Variants in ACSM3 observed in about 807,000 individuals in gnomAD.
The protein encoded by ACSM3 is acyl-coenzyme A synthetase ACSM3, mitochondrial.
A neutral mutation model predicts 74.1 loss-of-function variants in ACSM3; 61 were observed. The observed-to-expected ratio is 0.82, with a 90% confidence interval of 0.67 to 1.02. The LOEUF (loss-of-function observed/expected upper bound fraction) is 1.02, where lower values mean the gene tolerates loss of function less well. Ranked by LOEUF, ACSM3 falls within the 50% of genes least tolerant of loss-of-function variation. The pLI, the probability that ACSM3 is intolerant of heterozygous loss-of-function variation, is 0.00. For missense variants in ACSM3, 660 were observed against 697.0 expected (o/e 0.95, Z 0.60); for synonymous variants, 213 against 241.5 (o/e 0.88, Z 1.09).
At chr16:20,730,687 G>A (rs961961336) in intron 1 of ACSM3, among the ~76,000 whole-genome samples, 1 of 152,144 alleles carries the variant, frequency 6.6e-6, no homozygotes, top group Non-Finnish European at 1.5e-5. Context: ...TTCAGCTGAA[G>A]AGCAGAAGTA....
chr16:20,701,306 GT>G (rs1391824116), intron 1 of ACSM3, among the ~76,000 whole-genome samples: 1 of 152,060 alleles, frequency 6.6e-6, no homozygotes, highest in Non-Finnish European at 1.5e-5. Flanking sequence ...TTCCAGTGTG[GT>G]TTTATTTTTG....
chr16:20,750,319 C>A (rs756179560), intron 2 of ACSM3, among the ~76,000 whole-genome samples: 1 of 152,140 alleles, frequency 6.6e-6, no homozygotes, highest in Admixed American at 6.5e-5. Context: ...CAAAGTATTT[C>A]TCTTTTCTTC....
intron 1 of ACSM3, among the ~76,000 whole-genome samples, chr16:20,714,229 G>C (rs536762034): frequency 6.6e-6 from 1 of 150,918 alleles, no homozygotes; most frequent in East Asian, 1.9e-4. Context: ...AACACCCTAA[G>C]GTGTGGAAGG....
chr16:20,781,924 T>C, intron 7 of ACSM3, 137 bp downstream of exon 7: 6 of 651,422 alleles, frequency 9.2e-6, no homozygotes, highest in Non-Finnish European at 2.7e-6. Context: ...TTCCTCTTTC[T>C]CCTTCTTGCC....
chr16:20,757,115 C>T (rs1264245469), intron 3 of ACSM3, among the ~76,000 whole-genome samples: 14 of 151,616 alleles, frequency 9.2e-5, no homozygotes, highest in Non-Finnish European at 1.3e-4. Context: ...CTTGGTGATG[C>T]GGGCTCTTTT....
At chr16:20,687,750 CAA>C (rs2079578956) in intron 1 of ACSM3, among the ~76,000 whole-genome samples, 1 of 151,944 alleles carries the variant, frequency 6.6e-6, no homozygotes, top group African/African-American at 2.4e-5. Flanking sequence ...TATATATGAA[CAA>C]AATAACAATA....
chr16:20,769,860 G>C (rs1363101454), intron 1 of ACSM3, 124 bp from the exon 2 acceptor site: 1 of 616,684 alleles, frequency 1.6e-6, no homozygotes, highest in Non-Finnish European at 2.9e-6. Context: ...TTGGAACACA[G>C]AGTGTACGCA....
At chr16:20,699,819 C>A (rs2079708441) in intron 1 of ACSM3, among the ~76,000 whole-genome samples, 1 of 152,170 alleles carries the variant, frequency 6.6e-6, no homozygotes, top group Non-Finnish European at 1.5e-5. Flanking sequence ...TTTCTTATCC[C>A]TCTTTTCCTC....
chr16:20,763,424 C>G (rs967302825), upstream of ACSM3, among the ~76,000 whole-genome samples: 27 of 152,098 alleles, frequency 1.8e-4, no homozygotes, highest in African/African-American at 5.1e-4. Flanking sequence ...CTGAAACAGG[C>G]AAGTGTGTTT....
intron 2 of ACSM3, among the ~76,000 whole-genome samples, chr16:20,772,540 G>T (rs1783095415): frequency 1.3e-5 from 2 of 152,090 alleles, no homozygotes; most frequent in Admixed American, 6.5e-5. Context: ...TTTTGTATAT[G>T]GTGAGAGAGA....
chr16:20,743,042 C>T (rs901378296), intron 1 of ACSM3, among the ~76,000 whole-genome samples: 1 of 151,028 alleles, frequency 6.6e-6, no homozygotes, highest in South Asian at 2.1e-4. Context: ...CCAGGTTCAC[C>T]CCATTCTCCT....
chr16:20,694,726 G>A (rs1327092682), intron 1 of ACSM3, among the ~76,000 whole-genome samples: 3 of 152,206 alleles, frequency 2.0e-5, no homozygotes, highest in Non-Finnish European at 2.9e-5. Flanking sequence ...CCCCATGAAT[G>A]TATGTGGTGA....
In ACSM3 at chr16:20,683,701, TTCTC is replaced by T. The variant is rs1201861529; in HGVS notation, c.-190+8893_-190+8896del. ...CACGCCTGGCTAATTCTTTCTTTCTTTCTCTCTCTCTCTCTCTTTCTTTCTTTCT... is the reference window on the plus strand; with the variant it reads ...CACGCCTGGCTAATTCTTTCTTTCTTTCTCTCTCTCTCTTTCTTTCTTTCT... On this transcript the variant is annotated intron_variant, in intron 1 of 3. Coordinates refer to the ACSM3 transcript ENST00000561584. Among the ~76,000 whole-genome samples, 4 of 65,422 alleles carry T rather than the reference TTCTC, an allele frequency of 6.1e-5. No homozygotes were observed. In the East Asian group the frequency reaches 1.3e-3, roughly 21 times the overall value. 42.9% of individuals were successfully genotyped at this position (65,422 alleles called of 152,430 possible). A position where few individuals can be genotyped will look rare whatever the true frequency, so the allele number is the denominator to read the frequency against.
chr16:20,742,253 G>C (rs1414768139), intron 1 of ACSM3, among the ~76,000 whole-genome samples: 1 of 118,620 alleles, frequency 8.4e-6, no homozygotes, highest in African/African-American at 2.5e-5. Context: ...CTGTACTTGA[G>C]TTATTGAAAA....
intron 2 of ACSM3, among the ~76,000 whole-genome samples, chr16:20,772,559 G>A (rs764441777): frequency 6.6e-6 from 1 of 152,136 alleles, no homozygotes; most frequent in African/African-American, 2.4e-5. Flanking sequence ...GAGGGCTCTA[G>A]TCTTAGTCTA....
chr16:20,690,759 C>T (rs1437996108), intron 1 of ACSM3, among the ~76,000 whole-genome samples: 1 of 152,148 alleles, frequency 6.6e-6, no homozygotes, highest in Admixed American at 6.5e-5. Context: ...ATATATTTAC[C>T]TATTTTCTTG....
chr16:20,708,189 T>C (rs1173647976), intron 1 of ACSM3, among the ~76,000 whole-genome samples: 1 of 152,042 alleles, frequency 6.6e-6, no homozygotes, highest in Non-Finnish European at 1.5e-5. Context: ...TAATCCCAGC[T>C]ACTTGGGAGG....
At chr16:20,680,930 G>A (rs1292113970) in intron 1 of ACSM3, 1 of 152,176 alleles carries the variant, frequency 6.6e-6, no homozygotes, top group Non-Finnish European at 1.5e-5. Flanking sequence ...TTCCTCTAAA[G>A]CAAGGGGAAC....
intron 2 of ACSM3, among the ~76,000 whole-genome samples, chr16:20,753,393 G>GGCAGAGGTT (rs1170906646): frequency 4.7e-5 from 7 of 149,454 alleles, no homozygotes; most frequent in Non-Finnish European, 8.9e-5. Flanking sequence ...GAACCTGGGA[G>GGCAGAGGTT]GCAGAGGTTG....
Sources: allele counts gnomAD v4.1 joint callset (sites outside exome capture counted in the v4.1 genomes callset), GRCh38; gene constraint gnomAD v4.1.1; transcripts MANE v1.5; gene names NCBI Gene and HGNC (gene_info 2026-07-23, HGNC 2026-07-21).